FOXP2: variants seen among roughly 807,000 people sequenced by gnomAD.
FOXP2 encodes the protein forkhead box P2, also known as forkhead box protein P2.
In FOXP2, 12 loss-of-function variants were observed where a neutral mutation model predicts 115.8. That is an observed-to-expected ratio of 0.10 (90% CI 0.07 to 0.17). The LOEUF (loss-of-function observed/expected upper bound fraction) is 0.17. Ranked by LOEUF, FOXP2 falls within the 10% of genes least tolerant of loss-of-function variation. The pLI is 1.00. For missense variants in FOXP2, 629 were observed against 843.5 expected, an observed-to-expected ratio of 0.75 and a Z score of 3.15; for synonymous variants, 328 against 297.7, an observed-to-expected ratio of 1.10 and a Z score of -1.05.
At chr7:114,275,919 A>C (rs2129173967) in intron 1 of FOXP2, among the ~76,000 whole-genome samples, 1 of 152,210 alleles carries the variant, frequency 6.6e-6, no homozygotes, top group Admixed American at 6.5e-5. Context: ...AGTGTTTTTC[A>C]GTTTTTTCTC....
At chr7:114,581,149 G>GTTTA (rs10585289) in intron 3 of FOXP2, among the ~76,000 whole-genome samples, 3,117 of 134,968 alleles carry the variant, frequency 0.023, 54 homozygotes, top group Non-Finnish European at 0.03. Flanking sequence ...ATCTTCTTCC[G>GTTTA]TTTATTTATT....
chr7:114,322,969 G>A (rs1360566206), intron 2 of FOXP2, among the ~76,000 whole-genome samples: 1 of 152,154 alleles, frequency 6.6e-6, no homozygotes, highest in Non-Finnish European at 1.5e-5. Context: ...GAACTTGTGT[G>A]TATTGAAAGG....
chr7:114,273,774 T>A (rs1796120488), intron 1 of FOXP2, among the ~76,000 whole-genome samples: 1 of 152,064 alleles, frequency 6.6e-6, no homozygotes. Flanking sequence ...TTTTGATGAG[T>A]GTTAGCATGC....
rs371317567 is a variant in FOXP2, at chr7:114,516,576, A to T, written c.169-18041A>T. Among the ~76,000 whole-genome samples, 22 of 152,136 alleles carry T rather than the reference A, an allele frequency of 1.4e-4. No homozygotes were observed. In the East Asian group the frequency reaches 4.2e-3, roughly 29 times the overall value. On this transcript the variant is annotated intron_variant, in intron 2 of 16. Coordinates refer to ENST00000350908, the MANE Select transcript of FOXP2 (RefSeq NM_014491.4). The stretch of plus-strand genomic sequence containing the variant: ...ATAGTTCTATTTTTAATTTTTTGAG[A>T]AACTTCCATACTGTTTTCCATAATA...
chr7:114,341,343 A>G (rs1371443865), intron 2 of FOXP2, among the ~76,000 whole-genome samples: 2 of 151,252 alleles, frequency 1.3e-5, no homozygotes, highest in East Asian at 1.9e-4. Flanking sequence ...GAGTATTATC[A>G]TGTAGTGTCT....
chr7:114,095,826 A>C (rs1351903080), intron 1 of FOXP2, among the ~76,000 whole-genome samples: 12 of 152,224 alleles, frequency 7.9e-5, no homozygotes, highest in Non-Finnish European at 1.6e-4. Flanking sequence ...TTACATGCAC[A>C]GACATACATT....
intron 2 of FOXP2, among the ~76,000 whole-genome samples, chr7:114,385,048 C>A (rs544888795): frequency 3.3e-5 from 5 of 151,920 alleles, no homozygotes; most frequent in African/African-American, 1.2e-4. Context: ...CTCTCTCCCC[C>A]CCTCTCTCTC....
At chr7:114,320,770 T>G (rs552426576) in intron 2 of FOXP2, among the ~76,000 whole-genome samples, 45 of 152,262 alleles carry the variant, frequency 3.0e-4, no homozygotes, top group Middle Eastern at 3.4e-3. Flanking sequence ...GGCCCCTCCC[T>G]GCAGAGGGAC....
chr7:114,429,349 T>G (rs1214927505), intron 2 of FOXP2, among the ~76,000 whole-genome samples: 1 of 151,428 alleles, frequency 6.6e-6, no homozygotes, highest in African/African-American at 2.4e-5. Context: ...TCTCTGTTAG[T>G]ATGCTCTGCT....
At chr7:114,614,016 A>T (rs961645316) in intron 3 of FOXP2, 1 of 152,226 alleles carries the variant, frequency 6.6e-6, no homozygotes, top group Non-Finnish European at 1.5e-5. Flanking sequence ...GTTGTTAAAA[A>T]TGCCTTAATT....
intron 1 of FOXP2, among the ~76,000 whole-genome samples, chr7:114,224,685 T>A (rs1167960572): frequency 6.6e-6 from 1 of 152,298 alleles, no homozygotes; most frequent in East Asian, 1.9e-4. Flanking sequence ...TACTCTTGTT[T>A]CATTCCTGCC....
intron 10 of FOXP2, among the ~76,000 whole-genome samples, chr7:114,655,248 A>G (rs1806517872): frequency 6.6e-6 from 1 of 152,160 alleles, no homozygotes; most frequent in Non-Finnish European, 1.5e-5. Context: ...TTGTCTCATA[A>G]ATCCATCAGG....
At chr7:114,189,342 T>C (rs2129156973) in intron 1 of FOXP2, among the ~76,000 whole-genome samples, 1 of 152,332 alleles carries the variant, frequency 6.6e-6, no homozygotes, top group South Asian at 2.1e-4. Context: ...CAGCCTTTTA[T>C]ACTTAAAACA....
chr7:114,405,575 T>C (rs185958543), intron 2 of FOXP2, among the ~76,000 whole-genome samples: 5 of 151,970 alleles, frequency 3.3e-5, no homozygotes, highest in Admixed American at 2.6e-4. Context: ...GTGTAATAAG[T>C]TACAGAGGGA....
intron 2 of FOXP2, among the ~76,000 whole-genome samples, chr7:114,360,024 ATCT>A (rs1791707887): frequency 6.6e-6 from 1 of 152,152 alleles, no homozygotes; most frequent in South Asian, 2.1e-4. Context: ...CCCAAATCTC[ATCT>A]TGAATTATAG....
intron 2 of FOXP2, among the ~76,000 whole-genome samples, chr7:114,450,963 A>G (rs1795048962): frequency 6.6e-6 from 1 of 152,114 alleles, no homozygotes; most frequent in Non-Finnish European, 1.5e-5. Flanking sequence ...TATAATTTTG[A>G]TACAAAGATA....
At chr7:114,354,854 T>C (rs1464303518) in intron 2 of FOXP2, among the ~76,000 whole-genome samples, 2 of 152,190 alleles carry the variant, frequency 1.3e-5, no homozygotes, top group African/African-American at 4.8e-5. Flanking sequence ...TTTGAAAAGG[T>C]ATATATTTTG....
At chr7:114,252,741 C>T (rs866286308) in intron 1 of FOXP2, among the ~76,000 whole-genome samples, 3 of 151,956 alleles carry the variant, frequency 2.0e-5, no homozygotes, top group Non-Finnish European at 4.4e-5. Context: ...TTCAAAAAAC[C>T]AGCTCCTGCT....
rs117261061 is a variant in FOXP2 at position 114,661,492 on chromosome 7, A to G, written c.1648-573A>G. ...TTTATTGGGAATTTAAAAAAAATCT[A>G]AGTGTGTCTTATTGTGCAGGCAGAA... On this transcript the variant is annotated intron_variant, in intron 13 of 16. Coordinates refer to ENST00000350908, the MANE Select transcript of FOXP2 (RefSeq NM_014491.4). Among the ~76,000 whole-genome samples, 1,500 of 152,164 alleles carry G rather than the reference A, an allele frequency of 9.9e-3. 12 individuals carry two copies. Among genetic ancestry groups the G allele is most frequent in the Middle Eastern group, 0.027 (8 of 294 alleles).
Sources: gnomAD v4.1 joint callset for allele counts (sites outside exome capture counted in the v4.1 genomes callset) on GRCh38, gnomAD v4.1.1 for gene constraint, MANE v1.5 for transcripts, NCBI Gene and HGNC (gene_info 2026-07-23, HGNC 2026-07-21) for gene names.